Variants in RALGAPA2 observed in about 807,000 individuals in gnomAD.
RALGAPA2 encodes Ral GTPase activating protein catalytic subunit alpha 2.
Under a neutral mutation model 230.4 loss-of-function variants are expected in RALGAPA2, and 139 were observed. The ratio of observed to expected loss-of-function variants is 0.60; its 90% CI spans 0.53 to 0.69. RALGAPA2 has a LOEUF of 0.69. Among genes scored for constraint, RALGAPA2 ranks in the 30% least tolerant of loss-of-function variants. The pLI, the probability that RALGAPA2 is intolerant of heterozygous loss-of-function variation, is 0.00. For synonymous variants in RALGAPA2, 847 were observed against 837.8 expected (o/e 1.01, Z -0.19); for missense variants, 2,163 against 2,276.0 (o/e 0.95, Z 1.01).
At chr20:20,618,650 T>C (rs2066226056) in intron 12 of RALGAPA2, among the ~76,000 whole-genome samples, 1 of 152,110 alleles carries the variant, frequency 6.6e-6, no homozygotes, top group African/African-American at 2.4e-5. Context: ...GAGGGGGCAG[T>C]GAGCAGGGAA....
chr20:20,442,703 C>T lies in RALGAPA2; in HGVS notation c.5495+30126G>A, dbSNP rs76677815. Among the ~76,000 whole-genome samples, 105 of 152,324 alleles carry T rather than the reference C, an allele frequency of 6.9e-4. No homozygotes were observed. In the East Asian group the frequency reaches 0.019, roughly 28 times the overall value. The stretch of plus-strand genomic sequence containing the variant: ...TCTGAATTATAAGATCCACCTTGAA[C>T]AAGGCTCCAGCACAAAGGTATTAGA... On this transcript the variant is annotated intron_variant, in intron 37 of 39. Transcript: ENST00000202677.
chr20:20,565,456 C>T (rs1036968245), intron 23 of RALGAPA2, among the ~76,000 whole-genome samples: 1 of 152,172 alleles, frequency 6.6e-6, no homozygotes, highest in Non-Finnish European at 1.5e-5. Context: ...GCTTTCAAAG[C>T]TCACTGCTGA....
chr20:20,592,111 T>C (rs1418241398), intron 16 of RALGAPA2, among the ~76,000 whole-genome samples: 3 of 152,200 alleles, frequency 2.0e-5, no homozygotes, highest in African/African-American at 4.8e-5. Context: ...ACCTTTTACG[T>C]AGGTTGTTTT....
chr20:20,402,101 CTG>C (rs2059854585), intron 38 of RALGAPA2, among the ~76,000 whole-genome samples: 1 of 152,190 alleles, frequency 6.6e-6, no homozygotes, highest in African/African-American at 2.4e-5. Flanking sequence ...GCAATGAGTC[CTG>C]TCTGAGAATG....
rs1225269434 is a variant in RALGAPA2, at chr20:20,505,406, A to G, written c.5052+5T>C. 2.5e-6 allele frequency: 4 copies of G among 1,595,134 alleles called. No individual in the cohort carries two copies. Among genetic ancestry groups the G allele is most frequent in the Non-Finnish European group, 2.6e-6 (3 of 1,170,620 alleles). On this transcript the variant is annotated splice_donor_5th_base_variant and intron_variant, in intron 34 of 39. Transcript: ENST00000202677. ...AATAAACACCTACTGAATGAAATGC[A>G]TTACCTCCCATCCAAGTCCAGCAAC... is the stretch of plus-strand genomic sequence containing the variant.
chr20:20,643,629 T>C lies in RALGAPA2; in HGVS notation c.329-80A>G. ...TCTATTTTAAGAAAATATGTACTTA[T>C]GACAAAAATATACTTTTTAAAAATA... On this transcript the variant is annotated intron_variant, in intron 4 of 39. Transcript: ENST00000202677. 5 of 1,229,620 alleles carry C rather than the reference T, an allele frequency of 4.1e-6. No homozygotes were observed. The South Asian group carries it at 8.4e-5, about 21-fold the overall frequency. 76.2% of individuals were successfully genotyped at this position (1,229,620 alleles called of 1,614,324 possible).
intron 24 of RALGAPA2, among the ~76,000 whole-genome samples, chr20:20,544,745 T>C (rs2063736308): frequency 6.6e-6 from 1 of 152,068 alleles, no homozygotes; most frequent in South Asian, 2.1e-4. Flanking sequence ...CTGGAAACCA[T>C]CATTCTCAGC....
At chr20:20,585,342 G>A (rs1205424164) in intron 18 of RALGAPA2, among the ~76,000 whole-genome samples, 1 of 152,096 alleles carries the variant, frequency 6.6e-6, no homozygotes, top group African/African-American at 2.4e-5. Context: ...TGGTAGGGAA[G>A]GCGCAAACTC....
At chr20:20,465,973 T>C (rs956906717) in intron 37 of RALGAPA2, among the ~76,000 whole-genome samples, 3 of 152,234 alleles carry the variant, frequency 2.0e-5, no homozygotes, top group African/African-American at 7.2e-5. Flanking sequence ...TATACAACAA[T>C]TGCAGGTAAC....
intron 1 of RALGAPA2, among the ~76,000 whole-genome samples, chr20:20,684,517 T>G (rs6035673): frequency 0.011 from 1,637 of 152,230 alleles, 35 homozygotes; most frequent in African/African-American, 0.038. Context: ...TCCAATATCT[T>G]TCTTGTGGAT....
chr20:20,411,575 G>A (rs1020398361), intron 38 of RALGAPA2, among the ~76,000 whole-genome samples: 2 of 152,222 alleles, frequency 1.3e-5, no homozygotes, highest in Admixed American at 6.5e-5. Flanking sequence ...TGGACCCCGG[G>A]ACACTGTCCT....
chr20:20,420,460 C>A (rs936422708), intron 37 of RALGAPA2, among the ~76,000 whole-genome samples: 2 of 152,174 alleles, frequency 1.3e-5, no homozygotes, highest in African/African-American at 2.4e-5. Flanking sequence ...TGACATACAA[C>A]TTTTGGGCAT....
intron 35 of RALGAPA2, among the ~76,000 whole-genome samples, chr20:20,497,991 C>T (rs2062260327): frequency 6.6e-6 from 1 of 152,114 alleles, no homozygotes; most frequent in African/African-American, 2.4e-5. Context: ...CTTCTTTTGC[C>T]TATAAGAAAA....
intron 23 of RALGAPA2, among the ~76,000 whole-genome samples, chr20:20,560,496 A>G (rs1223908634): frequency 6.6e-6 from 1 of 152,238 alleles, no homozygotes; most frequent in Non-Finnish European, 1.5e-5. Flanking sequence ...ATTGTTATGT[A>G]TTAAAAAGAA....
Position 20,517,931 on chromosome 20 carries a change from A to C in RALGAPA2, c.4084+2986T>G, listed in dbSNP as rs1200208576. On this transcript the variant is annotated intron_variant, in intron 31 of 39. Transcript: ENST00000202677. ...AATATGATAAAACAAGGTTGAAAAG[A>C]TCACACTAGCTTCCTAGCAATGGAT... 4.6e-5 allele frequency among the ~76,000 whole-genome samples: 7 copies of C among 152,220 alleles called. No individual in the cohort carries two copies. In the East Asian group the frequency reaches 1.3e-3, roughly 29 times the overall value.
chr20:20,473,371 A>G (rs2061580888), intron 36 of RALGAPA2, among the ~76,000 whole-genome samples: 1 of 152,206 alleles, frequency 6.6e-6, no homozygotes, highest in African/African-American at 2.4e-5. Context: ...GATGTATATT[A>G]ACTCTTAAAG....
At chr20:20,444,037 A>C (rs553704634) in intron 37 of RALGAPA2, among the ~76,000 whole-genome samples, 17 of 152,308 alleles carry the variant, frequency 1.1e-4, no homozygotes, top group African/African-American at 3.8e-4. Flanking sequence ...TTCCAAACCA[A>C]GTTACCCAGA....
intron 38 of RALGAPA2, among the ~76,000 whole-genome samples, chr20:20,399,889 C>T (rs556572035): frequency 6.6e-6 from 1 of 152,360 alleles, no homozygotes; most frequent in Non-Finnish European, 1.5e-5. Flanking sequence ...ACAAGAAACG[C>T]TGCTGCCTGT....
chr20:20,471,414 A>ATTTTTTT (rs34179853), intron 37 of RALGAPA2: 6 of 125,516 alleles, frequency 4.8e-5, no homozygotes, highest in African/African-American at 1.5e-4. Context: ...GTAAAATAAG[A>ATTTTTTT]TTTTTTTTTT....
Sources: gnomAD v4.1 joint callset for allele counts (sites outside exome capture counted in the v4.1 genomes callset) on GRCh38, gnomAD v4.1.1 for gene constraint, MANE v1.5 for transcripts, NCBI Gene and HGNC (gene_info 2026-07-23, HGNC 2026-07-21) for gene names.